Variants in ELMO1 observed in about 807,000 individuals in gnomAD.
ELMO1 encodes the protein engulfment and cell motility protein 1.
Under a neutral mutation model 98.9 loss-of-function variants are expected in ELMO1, and 26 were observed. That is an observed-to-expected ratio of 0.26 (90% confidence interval 0.19 to 0.36). ELMO1 has a LOEUF of 0.36. Among genes scored for constraint, ELMO1 ranks in the 10% least tolerant of loss-of-function variants. The pLI, the probability that ELMO1 is intolerant of heterozygous loss-of-function variation, is 1.00. For missense variants in ELMO1, 627 were observed against 935.2 expected, an observed-to-expected ratio of 0.67 and a Z score of 4.30; for synonymous variants, 346 against 346.0, an observed-to-expected ratio of 1.00 and a Z score of 0.00.
At chr7:36,882,423 CA>C (rs1562793765) in intron 18 of ELMO1, among the ~76,000 whole-genome samples, 2 of 151,920 alleles carry the variant, frequency 1.3e-5, no homozygotes, top group South Asian at 4.2e-4. Context: ...TTTGTTGGTA[CA>C]AAAAAGGGAA....
intron 4 of ELMO1, among the ~76,000 whole-genome samples, chr7:37,287,357 C>T (rs533810722): frequency 6.6e-6 from 1 of 152,250 alleles, no homozygotes; most frequent in East Asian, 1.9e-4. Context: ...GGCTGTGTTC[C>T]AGTAAGTTTT....
intron 1 of ELMO1, among the ~76,000 whole-genome samples, chr7:37,345,242 T>C (rs1666652897): frequency 1.3e-5 from 2 of 152,210 alleles, no homozygotes; most frequent in Admixed American, 1.3e-4. Context: ...GCCAGGTCTA[T>C]TCCCCATGCT....
intron 7 of ELMO1, among the ~76,000 whole-genome samples, chr7:37,236,638 A>T (rs1192501392): frequency 6.6e-6 from 1 of 152,224 alleles, no homozygotes; most frequent in Non-Finnish European, 1.5e-5. Context: ...TGTATATAAC[A>T]TATTCATTAG....
intron 14 of ELMO1, among the ~76,000 whole-genome samples, chr7:37,118,765 A>G (rs759367563): frequency 2.0e-5 from 3 of 152,248 alleles, no homozygotes; most frequent in Non-Finnish European, 4.4e-5. Flanking sequence ...AGTCAGCCAT[A>G]ATACAAGAAG....
intron 16 of ELMO1, among the ~76,000 whole-genome samples, chr7:36,956,244 T>C (rs1196968680): frequency 5.3e-5 from 8 of 152,212 alleles, no homozygotes; most frequent in Admixed American, 5.2e-4. Context: ...CCCAGTTCCT[T>C]TGAGGTGCCT....
chr7:37,100,112 T>C (rs1784564889), intron 14 of ELMO1, among the ~76,000 whole-genome samples: 1 of 152,166 alleles, frequency 6.6e-6, no homozygotes, highest in South Asian at 2.1e-4. Flanking sequence ...TGTCTCCTTA[T>C]AGTTTACAAA....
chr7:37,225,085 T>C, intron 8 of ELMO1, 55 bp from the exon 9 acceptor site: 1 of 1,601,976 alleles, frequency 6.2e-7, no homozygotes, highest in Non-Finnish European at 8.5e-7. Context: ...AGCAGAGACG[T>C]GGAGAAGGGA....
intron 13 of ELMO1, among the ~76,000 whole-genome samples, chr7:37,170,619 T>C (rs895947353): frequency 2.6e-5 from 4 of 151,544 alleles, no homozygotes; most frequent in South Asian, 2.1e-4. Flanking sequence ...TGCTTGCTTT[T>C]TTTTTTTTTT....
intron 14 of ELMO1, among the ~76,000 whole-genome samples, chr7:37,099,835 T>G (rs1784548862): frequency 7.0e-6 from 1 of 143,454 alleles, no homozygotes; most frequent in Non-Finnish European, 1.5e-5. Context: ...GGAGTTCAAT[T>G]TTTTTTTTTT....
chr7:37,088,406 T>C (rs1042564397), intron 15 of ELMO1, among the ~76,000 whole-genome samples: 3 of 152,210 alleles, frequency 2.0e-5, no homozygotes, highest in African/African-American at 7.2e-5. Flanking sequence ...ACAGAAACAG[T>C]TGGCTTTGCT....
chr7:37,434,227 T>G (rs982087322), intron 1 of ELMO1, among the ~76,000 whole-genome samples: 1 of 152,240 alleles, frequency 6.6e-6, no homozygotes, highest in East Asian at 1.9e-4. Flanking sequence ...GTTTATAATT[T>G]TTTTTAGTCA....
intron 2 of ELMO1, among the ~76,000 whole-genome samples, chr7:37,332,271 A>G (rs1048524784): frequency 6.6e-6 from 1 of 152,268 alleles, no homozygotes; most frequent in Admixed American, 6.5e-5. Context: ...TGCCTTCACC[A>G]TAGTCATTCC....
chr7:37,096,277 T>C (rs1784360491), intron 15 of ELMO1, among the ~76,000 whole-genome samples: 1 of 152,144 alleles, frequency 6.6e-6, no homozygotes, highest in Admixed American at 6.5e-5. Context: ...GATCTACTGG[T>C]AGGTTATAAA....
chr7:36,905,191 A>G (rs919199488), intron 16 of ELMO1, among the ~76,000 whole-genome samples: 1 of 152,236 alleles, frequency 6.6e-6, no homozygotes, highest in Non-Finnish European at 1.5e-5. Context: ...TTTAATAATC[A>G]TGCTACTGTT....
At chr7:37,189,340 G>A (rs1251275797) in intron 13 of ELMO1, among the ~76,000 whole-genome samples, 1 of 152,204 alleles carries the variant, frequency 6.6e-6, no homozygotes, top group Non-Finnish European at 1.5e-5. Flanking sequence ...CATGAGCAGG[G>A]AAGAAATGAA....
At chr7:37,102,701 A>C (rs1784703327) in intron 14 of ELMO1, among the ~76,000 whole-genome samples, 1 of 152,242 alleles carries the variant, frequency 6.6e-6, no homozygotes, top group African/African-American at 2.4e-5. Flanking sequence ...ATACTAAGCC[A>C]TCTCACTGTA....
chr7:37,391,058 T>C lies in ELMO1; in HGVS notation c.-73-48295A>G, dbSNP rs200246503. On this transcript the variant is annotated intron_variant, in intron 1 of 21. Transcript: ENST00000310758. ...TTCCTTCCTTCCTTCCTTCCTTCCT[T>C]CCTCCCTCCCTCCCTCTCTCCCTCC... is the stretch of plus-strand genomic sequence containing the variant. Among the ~76,000 whole-genome samples, 111 of 103,762 alleles carry C rather than the reference T, an allele frequency of 1.1e-3. No individual in the cohort carries two copies. The East Asian group carries it at 0.018, about 17-fold the overall frequency. 68.1% of individuals were successfully genotyped at this position (103,762 alleles called of 152,430 possible). A position where few individuals can be genotyped will look rare whatever the true frequency, so the allele number is the denominator to read the frequency against.
chr7:36,934,598 CAT>C (rs1291020585), intron 16 of ELMO1, among the ~76,000 whole-genome samples: 1 of 152,196 alleles, frequency 6.6e-6, no homozygotes, highest in African/African-American at 2.4e-5. Context: ...GAAATGCAAA[CAT>C]GCGCTTTTGA....
chr7:36,864,233 G>T (rs752812820), intron 20 of ELMO1, among the ~76,000 whole-genome samples: 3 of 152,188 alleles, frequency 2.0e-5, no homozygotes, highest in African/African-American at 7.2e-5. Context: ...GTGTCAGCGT[G>T]GTTATTGCTG....
Sources: gnomAD v4.1 joint callset for allele counts (sites outside exome capture counted in the v4.1 genomes callset) on GRCh38, gnomAD v4.1.1 for gene constraint, MANE v1.5 for transcripts, NCBI Gene and HGNC (gene_info 2026-07-23, HGNC 2026-07-21) for gene names.